The following LDLRAD3 variants were observed in gnomAD, a reference collection of about 807,000 sequenced individuals.
The protein encoded by LDLRAD3 is low density lipoprotein receptor class A domain containing 3, also known as low-density lipoprotein receptor class A domain-containing protein 3.
In LDLRAD3, 20 loss-of-function variants were observed where a neutral mutation model predicts 29.4. That is an observed-to-expected ratio of 0.68 (90% CI 0.48 to 0.99). The LOEUF is 0.99. LDLRAD3 is among the 50% of genes least tolerant of loss of function. The pLI is 0.00. For missense variants in LDLRAD3, 420 were observed against 454.3 expected (o/e 0.92, Z 0.69); for synonymous variants, 157 against 192.7 (o/e 0.81, Z 1.53).
intron 1 of LDLRAD3, among the ~76,000 whole-genome samples, chr11:36,018,077 C>T (rs932199742): frequency 6.6e-6 from 1 of 152,162 alleles, no homozygotes; most frequent in African/African-American, 2.4e-5. Flanking sequence ...TTAATTTTTT[C>T]CTCAAAAGTT....
At position 36,100,732 on chromosome 11, in the gene LDLRAD3, C is replaced by T. The variant is rs925544472; in HGVS notation, c.454+2271C>T. On this transcript the variant is annotated intron_variant, in intron 4 of 5. Coordinates refer to ENST00000315571, the MANE Select transcript of LDLRAD3 (RefSeq NM_174902.4). ...GATTTACAGGCGTGAGCCACTGCGC[C>T]CGGCCTATACAGTTTCTTAAGTGTG... 3.9e-5 allele frequency among the ~76,000 whole-genome samples: 6 copies of T among 152,232 alleles called. No homozygotes were observed. The East Asian group carries it at 1.2e-3, about 29-fold the overall frequency.
At chr11:36,076,665 C>T (rs746683955) in intron 2 of LDLRAD3, among the ~76,000 whole-genome samples, 3 of 152,148 alleles carry the variant, frequency 2.0e-5, no homozygotes, top group South Asian at 2.1e-4. Flanking sequence ...GGATTACAGG[C>T]GTCAGCCAAT....
Position 36,175,638 on chromosome 11 carries a change from A to T in LDLRAD3, c.455-51447A>T, listed in dbSNP as rs543927887. On this transcript the variant is annotated intron_variant, in intron 4 of 5. Transcript: ENST00000315571. ...GGTTTTAAGGGTTCCTTTTGGAGTCAATTTCCAATTTTATTCTGCTTTGGT... is the reference window on the plus strand; with the variant it reads ...GGTTTTAAGGGTTCCTTTTGGAGTCTATTTCCAATTTTATTCTGCTTTGGT... Among the ~76,000 whole-genome samples, 181 of 152,300 alleles carry T rather than the reference A, an allele frequency of 1.2e-3. 1 individual carries two copies. Among genetic ancestry groups the T allele is most frequent in the African/African-American group, 4.2e-3 (176 of 41,564 alleles).
At chr11:36,138,529 C>T (rs1349083812) in intron 4 of LDLRAD3, among the ~76,000 whole-genome samples, 1 of 152,194 alleles carries the variant, frequency 6.6e-6, no homozygotes, top group Non-Finnish European at 1.5e-5. Flanking sequence ...GGACTCACTC[C>T]AACTTCATAG....
chr11:36,208,398 G>T (rs1039733902), intron 4 of LDLRAD3, among the ~76,000 whole-genome samples: 1 of 152,196 alleles, frequency 6.6e-6, no homozygotes, highest in Non-Finnish European at 1.5e-5. Context: ...GCTGCTCTCT[G>T]CTTCTAAGAT....
chr11:36,132,975 A>G (rs920556724), intron 4 of LDLRAD3, among the ~76,000 whole-genome samples: 1 of 152,132 alleles, frequency 6.6e-6, no homozygotes, highest in African/African-American at 2.4e-5. Context: ...TGAGTTTTAT[A>G]GTGTTTTGGG....
chr11:36,098,411 A>G lies in LDLRAD3; in HGVS notation c.404A>G (p.Gln135Arg), dbSNP rs1853396530. Reference protein sequence around the residue: ...CIDKSFICDGQNNCQDNSDEE... With the variant: ...CIDKSFICDGRNNCQDNSDEE... ...GACAAGAGCTTCATCTGCGATGGAC[A>G]GAATAACTGTCAAGACAACAGTGAT... The change falls in exon 4 of 6, where the codon CAG (glutamine) becomes CGG (arginine). Residue 135 changes from glutamine to arginine, a missense_variant. Gln to Arg is a conservative substitution (Grantham distance 43). Around this residue, in one of 3 missense-constraint regions of LDLRAD3, gnomAD observed 224 missense variants for 222.2 expected, o/e 1.01. Coordinates refer to ENST00000315571, the MANE Select transcript of LDLRAD3 (RefSeq NM_174902.4). 2.5e-6 allele frequency: 4 copies of G among 1,614,152 alleles called. No individual in the cohort carries two copies. The highest frequency in any genetic ancestry group is 1.3e-5 in the African/African-American group (1 of 74,960).
chr11:36,091,287 C>G (rs536854479), intron 3 of LDLRAD3, among the ~76,000 whole-genome samples: 9 of 152,094 alleles, frequency 5.9e-5, no homozygotes, highest in Non-Finnish European at 1.2e-4. Context: ...GGAGAGGAGC[C>G]GACTTCACAG....
At chr11:36,102,627 T>G (rs1853467072) in intron 4 of LDLRAD3, among the ~76,000 whole-genome samples, 1 of 152,198 alleles carries the variant, frequency 6.6e-6, no homozygotes, top group Admixed American at 6.5e-5. Context: ...GTCTTTGTAT[T>G]CTATATGAGA....
chr11:36,228,408 G>T (rs1163398567), intron 5 of LDLRAD3, among the ~76,000 whole-genome samples: 1 of 152,282 alleles, frequency 6.6e-6, no homozygotes, highest in South Asian at 2.1e-4. Flanking sequence ...GGTTAAAATT[G>T]CTGAATCTGG....
intron 1 of LDLRAD3, among the ~76,000 whole-genome samples, chr11:35,969,072 G>A (rs573942775): frequency 6.6e-6 from 1 of 151,888 alleles, no homozygotes; most frequent in Non-Finnish European, 1.5e-5. Context: ...GCCTCAGACT[G>A]GGGGGCACTT....
At chr11:36,161,751 C>T (rs1479990653) in intron 4 of LDLRAD3, among the ~76,000 whole-genome samples, 2 of 152,192 alleles carry the variant, frequency 1.3e-5, no homozygotes, top group Non-Finnish European at 2.9e-5. Flanking sequence ...GCCACTGTAT[C>T]AACACATCTC....
intron 4 of LDLRAD3, among the ~76,000 whole-genome samples, chr11:36,192,905 G>T (rs1854975814): frequency 6.6e-6 from 1 of 152,282 alleles, no homozygotes; most frequent in Non-Finnish European, 1.5e-5. Context: ...ACTCAACGGA[G>T]TTCAAATCTG....
chr11:36,099,200 G>C (rs557227899), intron 4 of LDLRAD3, among the ~76,000 whole-genome samples: 1 of 152,332 alleles, frequency 6.6e-6, no homozygotes, highest in African/African-American at 2.4e-5. Context: ...TGCAGCTGGA[G>C]GATGGGAAGA....
chr11:35,992,916 A>T (rs114531493), intron 1 of LDLRAD3, among the ~76,000 whole-genome samples: 1 of 152,244 alleles, frequency 6.6e-6, no homozygotes, highest in African/African-American at 2.4e-5. Context: ...GAACATTTAT[A>T]TAAAGGTGAA....
intron 1 of LDLRAD3, among the ~76,000 whole-genome samples, chr11:35,947,273 C>T (rs547090774): frequency 6.6e-6 from 1 of 152,254 alleles, no homozygotes; most frequent in Admixed American, 6.5e-5. Context: ...CTTTGGGAGG[C>T]CAAGATGTGT....
chr11:36,096,086 C>T (rs1853356299), intron 3 of LDLRAD3, among the ~76,000 whole-genome samples: 1 of 152,194 alleles, frequency 6.6e-6, no homozygotes, highest in Non-Finnish European at 1.5e-5. Context: ...TCAGGCCAGA[C>T]CACTTTTGTT....
intron 4 of LDLRAD3, among the ~76,000 whole-genome samples, chr11:36,156,433 T>C (rs1854352234): frequency 6.6e-6 from 1 of 152,224 alleles, no homozygotes; most frequent in Non-Finnish European, 1.5e-5. Flanking sequence ...ACAGGGCCAC[T>C]TGGATCAGGT....
At chr11:35,958,812 G>C (rs1286054372) in intron 1 of LDLRAD3, among the ~76,000 whole-genome samples, 1 of 152,096 alleles carries the variant, frequency 6.6e-6, no homozygotes, top group Non-Finnish European at 1.5e-5. Flanking sequence ...TGTTACCTAG[G>C]GGGTGGAAAA....
Sources: gnomAD v4.1 joint callset for allele counts (sites outside exome capture counted in the v4.1 genomes callset) on GRCh38, gnomAD v4.1.1 for gene constraint, gnomAD v4.1.1 regional missense constraint, MANE v1.5 for transcripts, NCBI Gene and HGNC (gene_info 2026-07-23, HGNC 2026-07-21) for gene names.